Variants in GALNS observed in about 807,000 individuals in gnomAD.
The protein encoded by GALNS is N-acetylgalactosamine-6-sulfatase.
Under a neutral mutation model 65.9 loss-of-function variants are expected in GALNS, and 65 were observed. The ratio of observed to expected loss-of-function variants is 0.99; its 90% CI spans 0.81 to 1.21. The LOEUF is 1.21. Among genes scored for constraint, GALNS ranks in the 50% most tolerant of loss-of-function variants. GALNS has a pLI of 0.00. For missense variants in GALNS, 776 were observed against 700.7 expected (o/e 1.11, Z -1.21); for synonymous variants, 346 against 288.9 (o/e 1.20, Z -2.00).
At chr16:88,827,030 C>A in intron 9 of GALNS, 192 bp from the exon 10 acceptor site, 1 of 662,662 alleles carries the variant, frequency 1.5e-6, no homozygotes, top group Admixed American at 2.5e-5. Context: ...CAAACCAGGC[C>A]CAAAGACCCC....
intron 8 of GALNS, among the ~76,000 whole-genome samples, chr16:88,834,739 C>T (rs1911930838): frequency 6.6e-6 from 1 of 151,990 alleles, no homozygotes; most frequent in Non-Finnish European, 1.5e-5. Flanking sequence ...AAGCTCCATC[C>T]CAGGAACCAC....
At chr16:88,838,275 G>A (rs1466653596) in intron 4 of GALNS, among the ~76,000 whole-genome samples, 3 of 152,220 alleles carry the variant, frequency 2.0e-5, no homozygotes, top group Non-Finnish European at 4.4e-5. Context: ...AATGGCCCCA[G>A]GATGACGACT....
intron 1 of GALNS, among the ~76,000 whole-genome samples, chr16:88,847,182 G>A (rs1354707110): frequency 6.6e-6 from 1 of 151,942 alleles, no homozygotes; most frequent in Non-Finnish European, 1.5e-5. Context: ...ACCAGCCTGG[G>A]CAACAAGGTG....
intron 12 of GALNS, among the ~76,000 whole-genome samples, chr16:88,821,790 TG>T (rs1403261833): frequency 2.0e-5 from 3 of 152,104 alleles, no homozygotes; most frequent in Non-Finnish European, 4.4e-5. Context: ...TGCTCAGGCC[TG>T]GTTCTGCCTC....
At position 88,826,682 on chromosome 16, in the gene GALNS, G is replaced by C. The variant is rs762116692; in HGVS notation, c.1139+20C>G. On this transcript the variant is annotated intron_variant, in intron 10 of 13. Transcript: ENST00000268695. ...ACTACTTGGATCGGGGGAAGGGGCC[G>C]GGGCAGGTCTAGCACCAACCTGTCC... 1 of 1,606,818 alleles carries C rather than the reference G, an allele frequency of 6.2e-7. No homozygotes were observed. Among genetic ancestry groups the C allele is most frequent in the Non-Finnish European group, 8.5e-7 (1 of 1,175,618 alleles).
Position 88,818,059 on chromosome 16 carries a change from T to C in GALNS, c.1430A>G (p.Glu477Gly). Residue 477 changes from glutamate (E) to glycine (G), a missense_variant, in exon 13 of 14, where the codon GAG becomes GGG. Transcript: ENST00000268695. ...CTGGGGCTGCGCGGGGACCAAGGCC[T>C]CCTGGTGCTGCTGGACGACCGAGGT... Reference protein sequence around the residue: ...RITSVVQQHQEALVPAQPQLN... With the variant: ...RITSVVQQHQGALVPAQPQLN... The C allele has an allele frequency of 6.3e-7, 1 of 1,579,340 alleles. No individual in the cohort carries two copies. Among genetic ancestry groups the C allele is most frequent in the Non-Finnish European group, 8.6e-7 (1 of 1,168,072 alleles).
chr16:88,844,848 G>A (rs1967168279), intron 1 of GALNS: 1 of 152,372 alleles, frequency 6.6e-6, no homozygotes. Flanking sequence ...AATCCTTTCA[G>A]CTTTGTGGGC....
intron 1 of GALNS, among the ~76,000 whole-genome samples, chr16:88,854,481 T>C (rs1308238445): frequency 6.6e-6 from 1 of 152,206 alleles, no homozygotes; most frequent in Non-Finnish European, 1.5e-5. Context: ...CCCTCTCTGC[T>C]GGGTCCAGGC....
chr16:88,848,648 C>G (rs887027528), intron 1 of GALNS, among the ~76,000 whole-genome samples: 3 of 151,576 alleles, frequency 2.0e-5, no homozygotes, highest in East Asian at 1.9e-4. Context: ...ACTGCTGGGT[C>G]GGGGCCGGTG....
rs1597583151 is a variant in GALNS, at chr16:88,842,563, C to T, written c.244+143G>A. ...CCGGGCTGGGATTTGATGAGAAAGG[C>T]CTGAGCCCACCTGCCACCCTCCCTG... On this transcript the variant is annotated intron_variant, in intron 2 of 13. Coordinates refer to ENST00000268695, the MANE Select transcript of GALNS (RefSeq NM_000512.5). 31 of 1,035,938 alleles carry T rather than the reference C, an allele frequency of 3.0e-5. 2 individuals carry two copies. In the East Asian group the frequency reaches 8.1e-4, roughly 27 times the overall value. 64.2% of individuals were successfully genotyped at this position (1,035,938 alleles called of 1,614,324 possible).
At chr16:88,854,785 G>A (rs969994260) in intron 1 of GALNS, among the ~76,000 whole-genome samples, 3 of 152,250 alleles carry the variant, frequency 2.0e-5, no homozygotes, top group Non-Finnish European at 2.9e-5. Flanking sequence ...ACTCAGGAGG[G>A]CCAGGGAATC....
At chr16:88,817,726 GA>G (rs1272805141) in intron 13 of GALNS, among the ~76,000 whole-genome samples, 6 of 152,150 alleles carry the variant, frequency 3.9e-5, no homozygotes, top group Non-Finnish European at 7.4e-5. Flanking sequence ...AGGGGCCTTG[GA>G]GCTCCCCAGT....
In GALNS at chr16:88,818,109, C is replaced by G. The variant is rs950806177; in HGVS notation, c.1380G>C (p.Glu460Asp). 2.5e-6 allele frequency: 4 copies of G among 1,573,414 alleles called. No homozygotes were observed. The African/African-American group carries it at 4.0e-5, about 16-fold the overall frequency. The part of the protein sequence containing the change: ...ERFPLSFASA[E>D]YQEALSRITS... ...TGATCCTGCTGAGGGCCTCCTGGTA[C>G]TCGGCGCTGGCAAAGCTGGGGACAG... Residue 460 changes from glutamate (E) to aspartate (D), a missense_variant, in exon 13 of 14, where the codon GAG (glutamate) becomes GAC (aspartate). Transcript: ENST00000268695.
chr16:88,835,340 G>T lies in GALNS; in HGVS notation c.771C>A (p.Ala257=). The change falls in exon 8 of 14, where the codon GCC becomes GCA. Residue 257 remains alanine (A), a synonymous_variant. Coordinates refer to ENST00000268695, the MANE Select transcript of GALNS (RefSeq NM_000512.5). ...GTSQRGRYGD[A]VREIDDSIGK... is the part of the protein sequence containing the mutation. ...CAATGCTGTCATCAATCTCCCGGAC[G>T]GCGTCTCCATACCTGCAGGATGGTG... is the stretch of plus-strand genomic sequence containing the variant. 6.2e-7 allele frequency: 1 copy of T among 1,613,672 alleles called. No individual in the cohort carries two copies. The highest frequency in any genetic ancestry group is 1.1e-5 in the South Asian group (1 of 90,898).
In GALNS at chr16:88,841,906, C is replaced by T. The variant is rs1341895979; in HGVS notation, c.310G>A (p.Ala104Thr). Residue 104 changes from alanine to threonine, a missense_variant, in exon 3 of 14, where the codon GCC (alanine) becomes ACC (threonine). Coordinates refer to ENST00000268695, the MANE Select transcript of GALNS (RefSeq NM_000512.5). ...RNGFYTTNAHARNAYTPQEIV... is the reference protein window; with the variant it reads ...RNGFYTTNAHTRNAYTPQEIV... ...GCGGTGGGCAGCCTACCGTTTCTGG[C>T]ATGGGCGTTGGTGGTGTAGAAGCCA... 1 of 1,613,138 alleles carries T rather than the reference C, an allele frequency of 6.2e-7. No homozygotes were observed. Among genetic ancestry groups the T allele is most frequent in the Non-Finnish European group, 8.5e-7 (1 of 1,179,656 alleles).
At chr16:88,837,848 C>T (rs1912303942) in intron 4 of GALNS, 83 bp from the exon 5 acceptor site, 1 of 1,479,932 alleles carries the variant, frequency 6.8e-7, no homozygotes, top group South Asian at 1.1e-5. Flanking sequence ...ACCACCTTCA[C>T]AAAATTCTTG....
chr16:88,837,499 G>A (rs1275241023), intron 5 of GALNS, 123 bp downstream of exon 5: 2 of 999,842 alleles, frequency 2.0e-6, no homozygotes, highest in African/African-American at 1.6e-5. Flanking sequence ...GGTGCCCGGG[G>A]ACCCAGGGAC....
chr16:88,828,380 T>G (rs1311485329), intron 9 of GALNS, among the ~76,000 whole-genome samples: 3 of 152,166 alleles, frequency 2.0e-5, no homozygotes, highest in African/African-American at 7.2e-5. Context: ...AGAAATGCAG[T>G]GGGCAGCTGC....
Position 88,830,678 on chromosome 16 carries a change from G to A in GALNS, c.1002+1320C>T, listed in dbSNP as rs937124884. On this transcript the variant is annotated intron_variant, in intron 9 of 13. Transcript: ENST00000268695. Reference sequence around the variant, plus strand: ...ACACGGTGTGATTCTCAACCGAGGGGCAGCTTCCTGGGCCAGAGGAGATGC... The same window carrying A: ...ACACGGTGTGATTCTCAACCGAGGGACAGCTTCCTGGGCCAGAGGAGATGC... 1.1e-3 allele frequency among the ~76,000 whole-genome samples: 172 copies of A among 152,358 alleles called. 1 individual carries two copies. The highest frequency in any genetic ancestry group is 4.0e-3 in the African/African-American group (167 of 41,588).
Sources: gnomAD v4.1 joint callset for allele counts (sites outside exome capture counted in the v4.1 genomes callset) on GRCh38, gnomAD v4.1.1 for gene constraint, MANE v1.5 for transcripts, NCBI Gene and HGNC (gene_info 2026-07-23, HGNC 2026-07-21) for gene names.